The following ALPK2 variants were observed in gnomAD, a reference collection of about 807,000 sequenced individuals.
The protein encoded by ALPK2 is alpha-protein kinase 2.
In ALPK2, 127 loss-of-function variants were observed where a neutral mutation model predicts 163.1. The ratio of observed to expected loss-of-function variants is 0.78; its 90% CI spans 0.67 to 0.90. The LOEUF is 0.90. ALPK2 is among the 40% of genes least tolerant of loss of function. ALPK2 has a pLI of 0.00. For missense variants in ALPK2, 2,360 were observed against 2,589.6 expected, an observed-to-expected ratio of 0.91 and a Z score of 1.92; for synonymous variants, 953 against 959.1, an observed-to-expected ratio of 0.99 and a Z score of 0.12.
chr18:58,509,810 A>G (rs2051480674), intron 10 of ALPK2, among the ~76,000 whole-genome samples: 1 of 151,158 alleles, frequency 6.6e-6, no homozygotes, highest in Non-Finnish European at 1.5e-5. Context: ...GTAGATTGCA[A>G]AAATTTTCTC....
chr18:58,544,279 A>T (rs1350672492), intron 4 of ALPK2: 1 of 152,184 alleles, frequency 6.6e-6, no homozygotes, highest in Non-Finnish European at 1.5e-5. Flanking sequence ...TTCCACAAAC[A>T]TATTATTTTC....
intron 1 of ALPK2, among the ~76,000 whole-genome samples, chr18:58,624,203 A>G (rs911468482): frequency 1.3e-5 from 2 of 152,202 alleles, no homozygotes; most frequent in African/African-American, 2.4e-5. Flanking sequence ...AGGGGTGACC[A>G]AGTCAGTGCA....
At chr18:58,485,918 C>T (rs973071826) in intron 12 of ALPK2, among the ~76,000 whole-genome samples, 5 of 152,038 alleles carry the variant, frequency 3.3e-5, no homozygotes, top group East Asian at 1.9e-4. Flanking sequence ...AGGACTGCCT[C>T]GAGGCTTTTC....
rs1168457836 is a variant in ALPK2, at chr18:58,517,158, T to G, written c.5690A>C (p.Gln1897Pro). Residue 1897 changes from glutamine to proline, a missense_variant, in exon 9 of 13, where the codon CAA becomes CCA. By Grantham distance (76) the Gln-to-Pro change is moderately conservative. Coordinates refer to ENST00000361673, the MANE Select transcript of ALPK2 (RefSeq NM_052947.4). ...TKGCEEIEFSQLIFKEDFLHD... is the reference protein window; with the variant it reads ...TKGCEEIEFSPLIFKEDFLHD... ...GAGGAAGTCTTCTTTGAAGATGAGT[T>G]GGCTGAATTCAATCTCTTCACATCC... The G allele has an allele frequency of 6.2e-7, 1 of 1,614,092 alleles. No homozygotes were observed. Among genetic ancestry groups the G allele is most frequent in the Non-Finnish European group, 8.5e-7 (1 of 1,179,952 alleles).
chr18:58,536,568 C>T lies in ALPK2; in HGVS notation c.3619G>A (p.Ala1207Thr). 6 of 1,614,010 alleles carry T rather than the reference C, an allele frequency of 3.7e-6. No homozygotes were observed. The highest frequency in any genetic ancestry group is 5.1e-6 in the Non-Finnish European group (6 of 1,180,016). Residue 1207 changes from alanine to threonine, a missense_variant, in exon 5 of 13, where the codon GCT becomes ACT. Physicochemically the swap from Ala to Thr is moderately conservative, Grantham distance 58. Transcript: ENST00000361673. The stretch of plus-strand genomic sequence containing the variant: ...GAGAGAGATGGAACGTTGCTCAGAG[C>T]CTGACTGTCTTCTTCCCCAGCAGTT... The part of the protein sequence containing the change: ...AETAGEEDSQ[A>T]LSNVPSLSDI...
intron 12 of ALPK2, among the ~76,000 whole-genome samples, chr18:58,497,813 T>C (rs1028235147): frequency 5.9e-5 from 9 of 152,226 alleles, no homozygotes; most frequent in Non-Finnish European, 1.3e-4. Flanking sequence ...AATCTTGAAA[T>C]GTGTTTGCAA....
At chr18:58,548,121 A>G (rs771727539) in intron 4 of ALPK2, among the ~76,000 whole-genome samples, 1 of 152,182 alleles carries the variant, frequency 6.6e-6, no homozygotes, top group Non-Finnish European at 1.5e-5. Context: ...TGTGGGCTTC[A>G]AAGTGTACAG....
In ALPK2 at chr18:58,534,922, A is replaced by G; in HGVS notation, c.5265T>C (p.Leu1755=). The G allele has an allele frequency of 5.0e-6, 8 of 1,614,042 alleles. No individual in the cohort carries two copies. The highest frequency in any genetic ancestry group is 6.8e-6 in the Non-Finnish European group (8 of 1,180,014). The change falls in exon 5 of 13, where the codon CTT becomes CTC. Residue 1755 remains leucine, a synonymous_variant. Coordinates refer to ENST00000361673, the MANE Select transcript of ALPK2 (RefSeq NM_052947.4). The stretch of plus-strand genomic sequence containing the variant: ...ATGTTTCGAGTTTGGGCATCTTTTT[A>G]AGAAAGGCTGAGTTCTTTCTGATAT... ...KENIRKNSAF[L]KKMPKLETSL...
At chr18:58,508,167 A>G (rs958315888) in intron 10 of ALPK2, among the ~76,000 whole-genome samples, 1 of 152,108 alleles carries the variant, frequency 6.6e-6, no homozygotes, top group African/African-American at 2.4e-5. Flanking sequence ...CCCTGACTCT[A>G]CTAATAATAA....
intron 4 of ALPK2, among the ~76,000 whole-genome samples, chr18:58,555,279 ACTTC>A (rs1159631227): frequency 6.6e-6 from 1 of 152,228 alleles, no homozygotes; most frequent in Non-Finnish European, 1.5e-5. Flanking sequence ...ATTAACCTGC[ACTTC>A]TTTAAAATAT....
In ALPK2 at chr18:58,537,603, CT is replaced by C. The variant is rs1476437299; in HGVS notation, c.2583del (p.Val862SerfsTer35). 1 of 1,613,614 alleles carries C rather than the reference CT, an allele frequency of 6.2e-7. No individual in the cohort carries two copies. Among genetic ancestry groups the C allele is most frequent in the Non-Finnish European group, 8.5e-7 (1 of 1,179,674 alleles). On this transcript the variant is annotated frameshift_variant, in exon 5 of 13. Coordinates refer to ENST00000361673, the MANE Select transcript of ALPK2 (RefSeq NM_052947.4). LOFTEE classifies it high-confidence loss of function. ...DLCSSNDKTL[E>X]VFFQTQVSET... ...TCAGACACTTGTGTCTGAAAAAAGA[CT>C]TCCAGTGTCTTGTCATTAGAAGAAC...
At chr18:58,622,554 G>A (rs1450300749) in intron 1 of ALPK2, among the ~76,000 whole-genome samples, 1 of 152,134 alleles carries the variant, frequency 6.6e-6, no homozygotes, top group African/African-American at 2.4e-5. Context: ...GCCTATCTTG[G>A]GGTAAAGACA....
chr18:58,501,433 T>A (rs1022148688), intron 11 of ALPK2, among the ~76,000 whole-genome samples: 7 of 152,194 alleles, frequency 4.6e-5, no homozygotes, highest in Admixed American at 4.6e-4. Flanking sequence ...AAGAGTGAAG[T>A]CTGACTTAAA....
intron 11 of ALPK2, among the ~76,000 whole-genome samples, chr18:58,500,712 G>C (rs2051427387): frequency 2.6e-5 from 4 of 151,934 alleles, no homozygotes. Flanking sequence ...ATCGCTTGAG[G>C]TCAGGAGTTC....
intron 4 of ALPK2, among the ~76,000 whole-genome samples, chr18:58,543,562 A>G (rs1309094948): frequency 5.9e-5 from 9 of 152,234 alleles, no homozygotes; most frequent in Admixed American, 5.9e-4. Flanking sequence ...TGGCTGAGGC[A>G]GGATGACCAC....
At chr18:58,501,714 C>T (rs902347127) in intron 11 of ALPK2, among the ~76,000 whole-genome samples, 50 of 152,304 alleles carry the variant, frequency 3.3e-4, no homozygotes, top group African/African-American at 1.2e-3. Context: ...GAGACAATCA[C>T]GGTCTCCAGG....
intron 3 of ALPK2, among the ~76,000 whole-genome samples, chr18:58,592,653 C>T (rs1160068251): frequency 6.6e-6 from 1 of 152,110 alleles, no homozygotes; most frequent in Admixed American, 6.5e-5. Flanking sequence ...TCCAGGGGCA[C>T]TATGTGTGTG....
chr18:58,535,965 C>A lies in ALPK2; in HGVS notation c.4222G>T (p.Glu1408Ter). Reference protein sequence around the residue: ...ILESSVDPIDEISVIEYTRAG... With the variant: ...ILESSVDPID ...CTGGTGTACTCTATCACACTTATCTCATCAATGGGATCTACAGAGGACTCT... is the reference window on the plus strand; with the variant it reads ...CTGGTGTACTCTATCACACTTATCTAATCAATGGGATCTACAGAGGACTCT... The change falls in exon 5 of 13, where the codon GAG becomes TAG. Residue 1408 changes from glutamate (E) to a stop codon, truncating the protein, a stop_gained. Transcript: ENST00000361673. LOFTEE classifies it high-confidence loss of function. 1 of 1,614,212 alleles carries A rather than the reference C, an allele frequency of 6.2e-7. No individual in the cohort carries two copies. Among genetic ancestry groups the A allele is most frequent in the Non-Finnish European group, 8.5e-7 (1 of 1,180,028 alleles).
chr18:58,493,382 C>T (rs781490393), intron 12 of ALPK2, among the ~76,000 whole-genome samples: 1 of 152,110 alleles, frequency 6.6e-6, no homozygotes, highest in Admixed American at 6.5e-5. Context: ...ATTCTCGGGG[C>T]GTGTTTCTTC....
Sources: allele counts gnomAD v4.1 joint callset (sites outside exome capture counted in the v4.1 genomes callset), GRCh38; gene constraint gnomAD v4.1.1; transcripts MANE v1.5; gene names NCBI Gene and HGNC (gene_info 2026-07-23, HGNC 2026-07-21).